Variants in COMMD1 observed in about 807,000 individuals in gnomAD.
COMMD1 encodes copper metabolism domain containing 1.
A neutral mutation model predicts 17.2 loss-of-function variants in COMMD1; 10 were observed. The observed-to-expected ratio is 0.58, with a 90% confidence interval of 0.36 to 0.99. The LOEUF (loss-of-function observed/expected upper bound fraction) is 0.99, where lower values mean the gene tolerates loss of function less well. COMMD1 is among the 50% of genes least tolerant of loss of function. The probability of loss-of-function intolerance (pLI) is 0.01; values close to 1 mark genes in which losing one functional copy is unlikely to be tolerated. For synonymous variants in COMMD1, 97 were observed against 91.6 expected, an observed-to-expected ratio of 1.06 and a Z score of -0.34; for missense variants, 270 against 231.8, an observed-to-expected ratio of 1.17 and a Z score of -1.07.
At chr2:62,106,317 C>A (rs1277550565) in intron 2 of COMMD1, among the ~76,000 whole-genome samples, 1 of 152,120 alleles carries the variant, frequency 6.6e-6, no homozygotes, top group Non-Finnish European at 1.5e-5. Flanking sequence ...CTTAAATGGC[C>A]ATCACTTCTA....
At chr2:62,119,687 G>A (rs1479389044) in intron 2 of COMMD1, among the ~76,000 whole-genome samples, 1 of 152,200 alleles carries the variant, frequency 6.6e-6, no homozygotes, top group Non-Finnish European at 1.5e-5. Context: ...ACATTGAGAA[G>A]GCTGGGAATA....
chr2:62,008,003 G>A (rs968397810), intron 2 of COMMD1, among the ~76,000 whole-genome samples: 5 of 151,958 alleles, frequency 3.3e-5, no homozygotes, highest in African/African-American at 7.3e-5. Context: ...TCAACATGGC[G>A]AGACCCCATC....
chr2:62,011,214 A>G (rs1348557761), intron 2 of COMMD1, among the ~76,000 whole-genome samples: 1 of 152,146 alleles, frequency 6.6e-6, no homozygotes, highest in East Asian at 1.9e-4. Flanking sequence ...TATATTTACA[A>G]TTGACAATGT....
chr2:61,997,659 T>C (rs1668803277), intron 1 of COMMD1, among the ~76,000 whole-genome samples: 1 of 152,184 alleles, frequency 6.6e-6, no homozygotes, highest in African/African-American at 2.4e-5. Context: ...TTAGGCTTTG[T>C]TGTTCCATTT....
chr2:62,117,729 A>T (rs1018459362), intron 2 of COMMD1, among the ~76,000 whole-genome samples: 1 of 152,102 alleles, frequency 6.6e-6, no homozygotes, highest in Non-Finnish European at 1.5e-5. Context: ...ATTTTGTGTG[A>T]TTTCTGGCTC....
At chr2:62,056,983 C>A (rs1288188457) in intron 2 of COMMD1, among the ~76,000 whole-genome samples, 1 of 152,098 alleles carries the variant, frequency 6.6e-6, no homozygotes, top group African/African-American at 2.4e-5. Flanking sequence ...TGTGAAGCAG[C>A]GTTTTCTGCA....
chr2:62,128,494 A>C (rs962533998), intron 2 of COMMD1, among the ~76,000 whole-genome samples: 1 of 152,156 alleles, frequency 6.6e-6, no homozygotes, highest in Non-Finnish European at 1.5e-5. Flanking sequence ...AAACGAAAGC[A>C]AAAATTGACA....
At chr2:61,933,690 G>A (rs1359018524) in intron 1 of COMMD1, among the ~76,000 whole-genome samples, 1 of 152,142 alleles carries the variant, frequency 6.6e-6, no homozygotes, top group East Asian at 1.9e-4. Flanking sequence ...AAAACTGTGA[G>A]CTAAATACCC....
intron 2 of COMMD1, among the ~76,000 whole-genome samples, chr2:62,085,182 A>T (rs1671623764): frequency 6.6e-6 from 1 of 151,970 alleles, no homozygotes; most frequent in African/African-American, 2.4e-5. Flanking sequence ...TTAAGTCCAC[A>T]GTTGCTGTTT....
At chr2:62,029,626 G>A (rs138229186) in intron 2 of COMMD1, among the ~76,000 whole-genome samples, 24 of 152,226 alleles carry the variant, frequency 1.6e-4, no homozygotes, top group African/African-American at 5.8e-4. Flanking sequence ...CCATGATATA[G>A]TAATCATTAT....
At chr2:62,083,620 C>T (rs1434675092) in intron 2 of COMMD1, among the ~76,000 whole-genome samples, 1 of 152,206 alleles carries the variant, frequency 6.6e-6, no homozygotes, top group South Asian at 2.1e-4. Flanking sequence ...TGTCATTCAA[C>T]TTTTTTTGTT....
At chr2:62,083,372 A>G (rs1473489555) in intron 2 of COMMD1, among the ~76,000 whole-genome samples, 1 of 152,246 alleles carries the variant, frequency 6.6e-6, no homozygotes, top group African/African-American at 2.4e-5. Flanking sequence ...AAGCAGCCAC[A>G]GATTACGTGA....
At chr2:62,111,231 A>G (rs1480544519) in intron 2 of COMMD1, among the ~76,000 whole-genome samples, 2 of 152,200 alleles carry the variant, frequency 1.3e-5, no homozygotes, top group Non-Finnish European at 2.9e-5. Flanking sequence ...AAAGTATAAT[A>G]CCTTTTCTCA....
chr2:62,000,701 T>G lies in COMMD1; in HGVS notation c.181T>G (p.Ser61Ala), dbSNP rs780810527. 6.2e-7 allele frequency: 1 copy of G among 1,614,104 alleles called. No homozygotes were observed. Among genetic ancestry groups the G allele is most frequent in the Admixed American group, 1.7e-5 (1 of 60,016 alleles). ...FLAKMRGILK[S>A]IASADMDFNQ... is the part of the protein sequence containing the mutation. Reference sequence around the variant, plus strand: ...TTTGCTTTTTCTGTCATCTTTATAGTCTATTGCGTCTGCAGACATGGATTT... The same window carrying G: ...TTTGCTTTTTCTGTCATCTTTATAGGCTATTGCGTCTGCAGACATGGATTT... Residue 61 changes from serine (S) to alanine (A), a missense_variant and splice_region_variant, in exon 2 of 3, where the codon TCT (serine) becomes GCT (alanine). Physicochemically the swap from Ser to Ala is moderately conservative, Grantham distance 99 (BLOSUM62 1). Coordinates refer to ENST00000311832, the MANE Select transcript of COMMD1 (RefSeq NM_152516.4).
intron 1 of COMMD1, among the ~76,000 whole-genome samples, chr2:61,921,174 T>C (rs1670183085): frequency 1.3e-5 from 2 of 151,904 alleles, no homozygotes; most frequent in African/African-American, 4.8e-5. Flanking sequence ...TTTACCATAT[T>C]GGCCAGGCTA....
chr2:61,990,905 C>T lies in COMMD1; in HGVS notation c.181-9796C>T, dbSNP rs867047252. 1.2e-3 allele frequency among the ~76,000 whole-genome samples: 150 copies of T among 126,260 alleles called. 1 individual carries two copies. The highest frequency in any genetic ancestry group is 3.4e-3 in the African/African-American group (124 of 36,622). The allele number at this position is 126,260 out of a possible 152,430, so 82.8% of individuals were successfully genotyped here. On this transcript the variant is annotated intron_variant, in intron 1 of 2. Coordinates refer to ENST00000311832, the MANE Select transcript of COMMD1 (RefSeq NM_152516.4). ...AAAAAAAAAAAAATATATATATATA[C>T]ACACACACACACACACACACACACA...
chr2:61,932,593 G>A (rs6722228), intron 1 of COMMD1, among the ~76,000 whole-genome samples: 17,636 of 152,160 alleles, frequency 0.12, 2,397 homozygotes, highest in African/African-American at 0.33. Context: ...TTAATCCCCA[G>A]ATTTATGTGT....
rs765903824 is a variant in COMMD1 at position 62,117,955 on chromosome 2, G to C, written c.463-17876G>C. 8.0e-5 allele frequency among the ~76,000 whole-genome samples: 12 copies of C among 150,696 alleles called. No homozygotes were observed. The South Asian group carries it at 8.5e-4, about 11-fold the overall frequency. ...CTTTCAAAGAATGAGTGATGTCCAA[G>C]TAAGAAAGTCTGTTTCTTCCCTAGT... On this transcript the variant is annotated intron_variant, in intron 2 of 2. Coordinates refer to ENST00000311832, the MANE Select transcript of COMMD1 (RefSeq NM_152516.4).
intron 2 of COMMD1, among the ~76,000 whole-genome samples, chr2:62,044,229 A>G (rs1670316507): frequency 6.6e-6 from 1 of 152,236 alleles, no homozygotes; most frequent in African/African-American, 2.4e-5. Context: ...ATTATGATTA[A>G]CCAAGACTAG....
Sources: gnomAD v4.1 joint callset for allele counts (sites outside exome capture counted in the v4.1 genomes callset) on GRCh38, gnomAD v4.1.1 for gene constraint, MANE v1.5 for transcripts, NCBI Gene and HGNC (gene_info 2026-07-23, HGNC 2026-07-21) for gene names.